The following ANK2 variants were observed in gnomAD, a reference collection of about 807,000 sequenced individuals.
ANK2 encodes the protein ankyrin-2.
In ANK2, 83 loss-of-function variants were observed where a neutral mutation model predicts 360.5. That is an observed-to-expected ratio of 0.23 (90% CI 0.19 to 0.28). ANK2 has a LOEUF of 0.28. Ranked by LOEUF, ANK2 falls within the 10% of genes least tolerant of loss-of-function variation. The pLI, the probability that ANK2 is intolerant of heterozygous loss-of-function variation, is 1.00. For synonymous variants in ANK2, 1,740 were observed against 1,759.5 expected, an observed-to-expected ratio of 0.99 and a Z score of 0.28; for missense variants, 4,201 against 4,795.7, an observed-to-expected ratio of 0.88 and a Z score of 3.66.
chr4:113,132,157 C>T (rs974552876), intron 1 of ANK2, among the ~76,000 whole-genome samples: 11 of 152,046 alleles, frequency 7.2e-5, no homozygotes, highest in African/African-American at 2.7e-4. Context: ...TTCTAATTAG[C>T]TCATTTTGGA....
the ANK2 span, among the ~76,000 whole-genome samples, chr4:112,735,212 C>T: frequency 1.3e-5 from 2 of 152,050 alleles, no homozygotes; most frequent in Non-Finnish European, 1.5e-5. Flanking sequence ...TAGTGAAACC[C>T]TGTTTCTACA....
intron 2 of ANK2, chr4:113,033,724 A>G (rs993086065): frequency 6.6e-6 from 1 of 151,968 alleles, no homozygotes; most frequent in Non-Finnish European, 1.5e-5. Flanking sequence ...ACTCTTTATG[A>G]TAAAAAACAA....
chr4:113,238,278 C>CAG (rs1316353362), intron 7 of ANK2, among the ~76,000 whole-genome samples: 3 of 152,126 alleles, frequency 2.0e-5, no homozygotes, highest in Non-Finnish European at 4.4e-5. Context: ...GCCATTGCTA[C>CAG]AGAGAGAGAC....
intron 1 of ANK2, among the ~76,000 whole-genome samples, chr4:112,834,286 T>C (rs2060515705): frequency 6.6e-6 from 1 of 152,206 alleles, no homozygotes; most frequent in Non-Finnish European, 1.5e-5. Context: ...AAAATGTTCT[T>C]AGAGAAGCAT....
chr4:112,868,752 T>A (rs2071645490), intron 1 of ANK2, among the ~76,000 whole-genome samples: 1 of 152,184 alleles, frequency 6.6e-6, no homozygotes, highest in Non-Finnish European at 1.5e-5. Flanking sequence ...TTACAGTGTA[T>A]AATGTGATGT....
chr4:112,869,873 G>GA (rs1239765911), intron 1 of ANK2, among the ~76,000 whole-genome samples: 2 of 152,024 alleles, frequency 1.3e-5, no homozygotes, highest in Non-Finnish European at 2.9e-5. Flanking sequence ...AGTAGAGACA[G>GA]GGTTTCAACA....
At chr4:113,018,727 C>T (rs1465111754) in intron 2 of ANK2, among the ~76,000 whole-genome samples, 1 of 152,174 alleles carries the variant, frequency 6.6e-6, no homozygotes, top group Non-Finnish European at 1.5e-5. Flanking sequence ...CATGCTTCAG[C>T]CAAGGGATGT....
At chr4:113,236,187 T>A (rs1292295280) in intron 5 of ANK2, among the ~76,000 whole-genome samples, 1 of 152,170 alleles carries the variant, frequency 6.6e-6, no homozygotes, top group Non-Finnish European at 1.5e-5. Flanking sequence ...TATTATTTTT[T>A]AATGTACTTG....
chr4:112,919,984 C>A (rs1256377426), intron 2 of ANK2, among the ~76,000 whole-genome samples: 1 of 152,032 alleles, frequency 6.6e-6, no homozygotes, highest in South Asian at 2.1e-4. Flanking sequence ...ATACGTAGAG[C>A]TGAATAATAA....
intron 2 of ANK2, among the ~76,000 whole-genome samples, chr4:112,930,882 C>A (rs142242288): frequency 0.02 from 2,927 of 146,764 alleles, 72 homozygotes; most frequent in African/African-American, 0.062. Context: ...AGCAAGACTC[C>A]ATCTCGAGAG....
chr4:113,240,814 A>C (rs983423112), intron 8 of ANK2, among the ~76,000 whole-genome samples: 8 of 152,222 alleles, frequency 5.3e-5, no homozygotes, highest in Non-Finnish European at 1.2e-4. Flanking sequence ...CCAATAGTTA[A>C]GGATGACATT....
chr4:113,129,762 G>A (rs1228772448), intron 1 of ANK2, among the ~76,000 whole-genome samples: 2 of 152,112 alleles, frequency 1.3e-5, no homozygotes, highest in South Asian at 2.1e-4. Context: ...TATTGGCATT[G>A]ATGTAATGCA....
chr4:113,236,351 C>G (rs1301397241), intron 5 of ANK2, among the ~76,000 whole-genome samples: 1 of 152,010 alleles, frequency 6.6e-6, no homozygotes, highest in Non-Finnish European at 1.5e-5. Context: ...ACAGGTTTTT[C>G]TACATTACCT....
chr4:112,730,481 CA>C, the ANK2 span, among the ~76,000 whole-genome samples: 14 of 149,790 alleles, frequency 9.3e-5, no homozygotes, highest in Non-Finnish European at 1.9e-4. Flanking sequence ...ACTAAAAATA[CA>C]AAAAATTAGC....
At chr4:112,707,636 TA>T in the ANK2 span, among the ~76,000 whole-genome samples, 6 of 152,360 alleles carry the variant, frequency 3.9e-5, no homozygotes, top group Admixed American at 2.0e-4. Flanking sequence ...AGCAAAAAAT[TA>T]TTTTTATATT....
Position 113,353,295 on chromosome 4 carries a change from A to C in ANK2, c.4677A>C (p.Leu1559Phe). Residue 1559 changes from leucine to phenylalanine, a missense_variant, in exon 38 of 46, where the codon TTA becomes TTC. This residue lies in a region of ANK2 where 1,268 missense variants were observed against 1,650.8 expected (regional missense o/e 0.77). Transcript: ENST00000357077. ...TCGTTGAAAGAGTTAAAGAGGACTT[A>C]GAGAAAGTGAATGAAATCCTGAGAA... ...FEIVERVKEDLEKVNEILRSG... is the reference protein window; with the variant it reads ...FEIVERVKEDFEKVNEILRSG... 6.2e-7 allele frequency: 1 copy of C among 1,613,842 alleles called. No homozygotes were observed. Among genetic ancestry groups the C allele is most frequent in the Non-Finnish European group, 8.5e-7 (1 of 1,179,874 alleles).
chr4:112,727,157 C>T, the ANK2 span, among the ~76,000 whole-genome samples: 1 of 151,914 alleles, frequency 6.6e-6, no homozygotes, highest in African/African-American at 2.4e-5. Flanking sequence ...TTAATTATGG[C>T]ATTAAATGTG....
chr4:112,764,043 A>C, the ANK2 span, among the ~76,000 whole-genome samples: 2 of 151,968 alleles, frequency 1.3e-5, no homozygotes, highest in Admixed American at 1.3e-4. Context: ...TCCCTGGTTC[A>C]AGCAATTCTC....
intron 26 of ANK2, among the ~76,000 whole-genome samples, chr4:113,321,593 C>T (rs1200149727): frequency 6.6e-6 from 1 of 152,134 alleles, no homozygotes; most frequent in Admixed American, 6.6e-5. Flanking sequence ...CATACCATGT[C>T]ATGTAGCAAG....
Sources: allele counts gnomAD v4.1 joint callset (sites outside exome capture counted in the v4.1 genomes callset), GRCh38; gene constraint gnomAD v4.1.1; regional missense constraint gnomAD v4.1.1; transcripts MANE v1.5; gene names NCBI Gene and HGNC (gene_info 2026-07-23, HGNC 2026-07-21).